Variants in CDH8 observed in about 807,000 individuals in gnomAD.
CDH8 encodes the protein cadherin-8.
In CDH8, 17 loss-of-function variants were observed where a neutral mutation model predicts 68.1. The ratio of observed to expected loss-of-function variants is 0.25; its 90% CI spans 0.17 to 0.37. CDH8 has a LOEUF of 0.37. Among genes scored for constraint, CDH8 ranks in the 10% least tolerant of loss-of-function variants. The pLI is 1.00. For synonymous variants in CDH8, 372 were observed against 365.1 expected (o/e 1.02, Z -0.21); for missense variants, 763 against 999.3 (o/e 0.76, Z 3.19).
chr16:61,957,745 T>C (rs1965010549), intron 2 of CDH8, among the ~76,000 whole-genome samples: 1 of 152,180 alleles, frequency 6.6e-6, no homozygotes, highest in African/African-American at 2.4e-5. Context: ...ATTTTCAACG[T>C]GATTTTTTTC....
At chr16:61,727,043 G>T (rs778260497) in intron 9 of CDH8, 51 bp downstream of exon 9, 4 of 1,592,736 alleles carry the variant, frequency 2.5e-6, no homozygotes, top group Non-Finnish European at 3.4e-6. Flanking sequence ...AGTCAAATAT[G>T]AGACAGTTGT....
chr16:61,856,955 A>C (rs751366377), intron 4 of CDH8, among the ~76,000 whole-genome samples, 164 bp downstream of exon 4: 4 of 152,208 alleles, frequency 2.6e-5, no homozygotes, highest in Non-Finnish European at 5.9e-5. Context: ...ATCAGCATCA[A>C]AAATGGTTGT....
intron 4 of CDH8, among the ~76,000 whole-genome samples, chr16:61,827,741 A>C (rs2143002487): frequency 6.6e-6 from 1 of 151,904 alleles, no homozygotes; most frequent in African/African-American, 2.4e-5. Flanking sequence ...TGAGGTAAGC[A>C]GCTTCATACT....
At chr16:61,959,558 G>A (rs4784169) in intron 2 of CDH8, among the ~76,000 whole-genome samples, 55,121 of 144,470 alleles carry the variant, frequency 0.38, 11,019 homozygotes, top group African/African-American at 0.49. Flanking sequence ...GTGTGTGTGT[G>A]TATATATATA....
intron 8 of CDH8, among the ~76,000 whole-genome samples, chr16:61,784,150 TAA>T (rs1233185473): frequency 1.3e-5 from 2 of 151,536 alleles, no homozygotes; most frequent in East Asian, 3.9e-4. Context: ...GCAAATTGGA[TAA>T]AGAGTCAAGA....
intron 8 of CDH8, among the ~76,000 whole-genome samples, chr16:61,782,650 A>C (rs1364118313): frequency 6.6e-6 from 1 of 152,002 alleles, no homozygotes; most frequent in Non-Finnish European, 1.5e-5. Context: ...ACAGACAAAC[A>C]AAAAGACAGC....
chr16:61,923,081 G>A (rs899201601), intron 2 of CDH8, among the ~76,000 whole-genome samples: 1 of 152,040 alleles, frequency 6.6e-6, no homozygotes. Context: ...GAATAATAAA[G>A]CTTATTGACC....
intron 10 of CDH8, among the ~76,000 whole-genome samples, chr16:61,657,670 G>A (rs1385621699): frequency 6.6e-6 from 1 of 152,080 alleles, no homozygotes; most frequent in Non-Finnish European, 1.5e-5. Context: ...TTTCTGGATG[G>A]TTTTATACAT....
At chr16:61,654,141 A>G (rs368834686) in intron 11 of CDH8, 40 bp from the exon 12 acceptor site, 15 of 1,570,886 alleles carry the variant, frequency 9.5e-6, no homozygotes, top group Non-Finnish European at 1.3e-5. Flanking sequence ...CCAAACAAGC[A>G]TATAATTTCA....
At chr16:61,941,414 T>C (rs1964722984) in intron 2 of CDH8, among the ~76,000 whole-genome samples, 1 of 152,236 alleles carries the variant, frequency 6.6e-6, no homozygotes, top group Admixed American at 6.5e-5. Flanking sequence ...TTTTTCTTGA[T>C]TTGCAGAATA....
At chr16:61,789,668 C>A (rs1418972052) in intron 7 of CDH8, among the ~76,000 whole-genome samples, 186 bp from the exon 8 acceptor site, 1 of 151,894 alleles carries the variant, frequency 6.6e-6, no homozygotes, top group Non-Finnish European at 1.5e-5. Flanking sequence ...AATTATTGTC[C>A]AAGGAGCAAT....
At chr16:61,768,343 T>TCTCTCTCTCTCTCTCTCTCTCC (rs1960659275) in intron 8 of CDH8, among the ~76,000 whole-genome samples, 1 of 107,008 alleles carries the variant, frequency 9.3e-6, no homozygotes, top group African/African-American at 4.0e-5. Flanking sequence ...TCTCTCTCTC[T>TCTCTCTCTCTCTCTCTCTCTCC]CTCTCTCTCT....
At chr16:61,895,707 T>C (rs921682686) in intron 3 of CDH8, among the ~76,000 whole-genome samples, 2 of 152,190 alleles carry the variant, frequency 1.3e-5, no homozygotes, top group African/African-American at 4.8e-5. Context: ...CATTTTGAAA[T>C]ATAAAGTTAG....
chr16:61,903,517 G>A (rs1036530408), intron 2 of CDH8, among the ~76,000 whole-genome samples: 1 of 151,968 alleles, frequency 6.6e-6, no homozygotes, highest in Non-Finnish European at 1.5e-5. Context: ...TAGAGACAGG[G>A]TTTCACTGTG....
At chr16:61,730,633 C>A (rs186849485) in intron 8 of CDH8, among the ~76,000 whole-genome samples, 1 of 151,522 alleles carries the variant, frequency 6.6e-6, no homozygotes, top group Non-Finnish European at 1.5e-5. Context: ...TTAACAATTA[C>A]GCAAGTGTAC....
chr16:61,749,225 G>A (rs377762926), intron 8 of CDH8, among the ~76,000 whole-genome samples: 10 of 152,042 alleles, frequency 6.6e-5, no homozygotes, highest in East Asian at 1.9e-4. Context: ...AAAAAAGGCC[G>A]CCAGAGCTTT....
intron 3 of CDH8, among the ~76,000 whole-genome samples, chr16:61,898,753 T>C (rs1352118651): frequency 6.6e-6 from 1 of 152,114 alleles, no homozygotes; most frequent in Admixed American, 6.5e-5. Context: ...GAATTAGGGA[T>C]TAAATGAGCA....
intron 10 of CDH8, among the ~76,000 whole-genome samples, chr16:61,657,874 T>C (rs1963478722): frequency 6.6e-6 from 1 of 152,088 alleles, no homozygotes; most frequent in African/African-American, 2.4e-5. Flanking sequence ...GCTATCTTCT[T>C]TACTACTGAG....
chr16:61,691,643 C>T lies in CDH8; in HGVS notation c.1654+22198G>A, dbSNP rs1252464680. The T allele has an allele frequency of 4.0e-5, 6 of 151,890 alleles. No individual in the cohort carries two copies. In the South Asian group the frequency reaches 1.0e-3, roughly 26 times the overall value. 9.4% of individuals were successfully genotyped at this position (151,890 alleles called of 1,614,324 possible). ...GGATCATAACGTTAATCCACATCCCCCCTATTTGTCACAGTACCTCTTTCT... is the reference window on the plus strand; with the variant it reads ...GGATCATAACGTTAATCCACATCCCTCCTATTTGTCACAGTACCTCTTTCT... On this transcript the variant is annotated intron_variant, in intron 10 of 11. Coordinates refer to ENST00000577390, the MANE Select transcript of CDH8 (RefSeq NM_001796.5).
Sources: gnomAD v4.1 joint callset for allele counts (sites outside exome capture counted in the v4.1 genomes callset) on GRCh38, gnomAD v4.1.1 for gene constraint, MANE v1.5 for transcripts, NCBI Gene and HGNC (gene_info 2026-07-23, HGNC 2026-07-21) for gene names.